Variants in MTF1 observed in about 807,000 individuals in gnomAD.
The protein encoded by MTF1 is MRE-binding transcription factor.
In MTF1, 22 loss-of-function variants were observed where a neutral mutation model predicts 70.4. That is an observed-to-expected ratio of 0.31 (90% confidence interval 0.22 to 0.45). The LOEUF is 0.45. Ranked by LOEUF, MTF1 falls within the 20% of genes least tolerant of loss-of-function variation. MTF1 has a pLI of 1.00. For missense variants in MTF1, 649 were observed against 922.0 expected (o/e 0.70, Z 3.83); for synonymous variants, 333 against 352.8 (o/e 0.94, Z 0.63).
At position 37,835,736 on chromosome 1, in the gene MTF1, T is replaced by C; in HGVS notation, c.788A>G (p.His263Arg). Residue 263 changes from histidine to arginine, a missense_variant, in exon 5 of 11, where the codon CAC (histidine) becomes CGC (arginine). Around this residue, in one of 7 missense-constraint regions of MTF1, gnomAD observed 118 missense variants for 287.2 expected, o/e 0.41. Transcript: ENST00000373036. ...TGCAAATGCTTTTCCACAGCCATCG[T>C]GATCGCACCTAAATTTGTTAAGGAA... ...HTGEKPFRCDHDGCGKAFAAS... is the reference protein window; with the variant it reads ...HTGEKPFRCDRDGCGKAFAAS... 1 of 1,614,044 alleles carries C rather than the reference T, an allele frequency of 6.2e-7. No individual in the cohort carries two copies. Among genetic ancestry groups the C allele is most frequent in the Non-Finnish European group, 8.5e-7 (1 of 1,179,886 alleles).
intron 2 of MTF1, among the ~76,000 whole-genome samples, chr1:37,854,252 A>G (rs1426529890): frequency 6.6e-6 from 1 of 152,208 alleles, no homozygotes; most frequent in African/African-American, 2.4e-5. Flanking sequence ...CAGGTGATCC[A>G]CCAGCCTTGG....
At chr1:37,844,662 G>A (rs1425687742) in intron 2 of MTF1, among the ~76,000 whole-genome samples, 1 of 152,174 alleles carries the variant, frequency 6.6e-6, no homozygotes, top group African/African-American at 2.4e-5. Context: ...AATGATAAGA[G>A]CAGAATTTCA....
chr1:37,812,523 T>A lies in MTF1; in HGVS notation c.*2613A>T, dbSNP rs1032008127. The A allele has an allele frequency of 2.0e-5, 3 of 152,260 alleles. No homozygotes were observed. The highest frequency in any genetic ancestry group is 7.2e-5 in the African/African-American group (3 of 41,460). The allele number at this position is 152,260 out of a possible 1,614,324, so 9.4% of individuals were successfully genotyped here. ...TGGAAAAATCTGTCAGCCTAAACAC[T>A]GTTTAAGATGCTGCTTCGTCACCCC... On this transcript the variant is annotated 3_prime_UTR_variant, in exon 11 of 11. Transcript: ENST00000373036.
intron 5 of MTF1, 41 bp from the exon 6 acceptor site, chr1:37,835,256 A>T: frequency 6.4e-7 from 1 of 1,558,708 alleles, no homozygotes; most frequent in Non-Finnish European, 8.8e-7. Flanking sequence ...CCATAAAGTC[A>T]TTTCACTGGA....
At chr1:37,834,038 CA>C (rs1458532016) in intron 6 of MTF1, among the ~76,000 whole-genome samples, 2 of 151,924 alleles carry the variant, frequency 1.3e-5, no homozygotes, top group Non-Finnish European at 2.9e-5. Context: ...CCGGCCCAGG[CA>C]ACATGGTGAA....
At chr1:37,839,735 T>C in intron 3 of MTF1, among the ~76,000 whole-genome samples, 185 bp downstream of exon 3, 1 of 152,266 alleles carries the variant, frequency 6.6e-6, no homozygotes, top group East Asian at 1.9e-4. Context: ...GTTTCTCTAA[T>C]GCATTTTTAA....
intron 2 of MTF1, among the ~76,000 whole-genome samples, chr1:37,853,192 CTCTA>C (rs1220690536): frequency 6.7e-6 from 1 of 150,346 alleles, no homozygotes; most frequent in Non-Finnish European, 1.5e-5. Flanking sequence ...TAACCACATT[CTCTA>C]TCTAACCACT....
chr1:37,827,079 A>C (rs983937333), intron 7 of MTF1, among the ~76,000 whole-genome samples: 1 of 152,176 alleles, frequency 6.6e-6, no homozygotes, highest in African/African-American at 2.4e-5. Context: ...CAAAGTAAGA[A>C]ATACATTTTA....
chr1:37,834,047 G>A (rs1024707085), intron 6 of MTF1, among the ~76,000 whole-genome samples: 1 of 151,860 alleles, frequency 6.6e-6, no homozygotes, highest in Non-Finnish European at 1.5e-5. Flanking sequence ...GCAACATGGT[G>A]AAGACCACAT....
intron 2 of MTF1, among the ~76,000 whole-genome samples, chr1:37,850,118 G>A (rs1351084785): frequency 1.3e-5 from 2 of 151,714 alleles, no homozygotes; most frequent in African/African-American, 4.8e-5. Flanking sequence ...CATGCCTGTG[G>A]TCCCAGCTAC....
rs942454946 is a variant in MTF1 at position 37,820,318 on chromosome 1, G to A, written c.1767+1803C>T. On this transcript the variant is annotated intron_variant, in intron 9 of 10. Transcript: ENST00000373036. ...ATCTAATTCCTACCCATATCTCAAG[G>A]CTGACCTGACCTGTATGGCCACCCA... 7.2e-5 allele frequency among the ~76,000 whole-genome samples: 11 copies of A among 152,260 alleles called. No homozygotes were observed. In the South Asian group the frequency reaches 2.1e-3, roughly 29 times the overall value.
chr1:37,857,251 T>C lies in MTF1; in HGVS notation c.408A>G (p.Glu136=), dbSNP rs1264733277. 6.2e-7 allele frequency: 1 copy of C among 1,609,830 alleles called. No homozygotes were observed. Among genetic ancestry groups the C allele is most frequent in the Admixed American group, 1.7e-5 (1 of 59,960 alleles). ...QSECPETKRK[E]VKRYQCTFEG... ...GGCCCTCACTGACTGCTTTACTTACTTCTTTACGTTTTGTTTCCGGACATT... is the reference window on the plus strand; with the variant it reads ...GGCCCTCACTGACTGCTTTACTTACCTCTTTACGTTTTGTTTCCGGACATT... The change falls in exon 2 of 11, where the codon GAA becomes GAG. Residue 136 remains glutamate, a splice_region_variant and synonymous_variant. Coordinates refer to ENST00000373036, the MANE Select transcript of MTF1 (RefSeq NM_005955.3).
rs746506923 is a variant in MTF1, at chr1:37,822,427, C to A, written c.1461G>T (p.Pro487=). 51 of 1,613,890 alleles carry A rather than the reference C, an allele frequency of 3.2e-5. No homozygotes were observed. The highest frequency in any genetic ancestry group is 4.2e-5 in the Non-Finnish European group (49 of 1,179,998). Reference sequence around the variant, plus strand: ...CAATGGGCTGCGGTGCCTGGGGGTGCGGAAGAAACTCTTGATGATTAGCAG... The same window carrying A: ...CAATGGGCTGCGGTGCCTGGGGGTGAGGAAGAAACTCTTGATGATTAGCAG... The part of the protein sequence containing the change: ...QFAANHQEFL[P]HPQAPQPIVP... The change falls in exon 9 of 11, where the codon CCG becomes CCT. Residue 487 remains proline, a synonymous_variant. Coordinates refer to ENST00000373036, the MANE Select transcript of MTF1 (RefSeq NM_005955.3).
At chr1:37,824,710 A>C (rs891328893) in intron 7 of MTF1, among the ~76,000 whole-genome samples, 1 of 152,136 alleles carries the variant, frequency 6.6e-6, no homozygotes, top group Non-Finnish European at 1.5e-5. Flanking sequence ...ACAACAAAAA[A>C]ATTATATAAT....
chr1:37,820,959 G>A (rs1364100941), intron 9 of MTF1, among the ~76,000 whole-genome samples: 3 of 152,146 alleles, frequency 2.0e-5, no homozygotes, highest in African/African-American at 7.2e-5. Context: ...CAGGCAGATT[G>A]CTTGGGTCTA....
chr1:37,817,506 A>G (rs1640838706), intron 9 of MTF1, 24 bp from the exon 10 acceptor site: 12 of 1,560,226 alleles, frequency 7.7e-6, no homozygotes, highest in Middle Eastern at 1.7e-4. Context: ...AAGAAATCTC[A>G]TTTATAGCCA....
At chr1:37,819,333 T>A (rs1439333473) in intron 9 of MTF1, among the ~76,000 whole-genome samples, 1 of 151,864 alleles carries the variant, frequency 6.6e-6, no homozygotes, top group East Asian at 1.9e-4. Flanking sequence ...TAAACATTCA[T>A]TATTTAAGAC....
intron 2 of MTF1, among the ~76,000 whole-genome samples, chr1:37,845,982 G>A (rs1204280747): frequency 1.3e-5 from 2 of 152,056 alleles, no homozygotes; most frequent in African/African-American, 4.8e-5. Flanking sequence ...TTCACAAAAA[G>A]GGAAAACTAA....
chr1:37,835,876 C>T (rs779369207), intron 4 of MTF1, 132 bp from the exon 5 acceptor site: 4 of 675,012 alleles, frequency 5.9e-6, no homozygotes, highest in Admixed American at 2.4e-5. Context: ...TCTTGGCTCA[C>T]TGCAAGCTCC....
Sources: allele counts gnomAD v4.1 joint callset (sites outside exome capture counted in the v4.1 genomes callset), GRCh38; gene constraint gnomAD v4.1.1; regional missense constraint gnomAD v4.1.1; transcripts MANE v1.5; gene names NCBI Gene and HGNC (gene_info 2026-07-23, HGNC 2026-07-21).